The following PDE4D variants were observed in gnomAD, a reference collection of about 807,000 sequenced individuals.
PDE4D encodes 3',5'-cyclic-AMP phosphodiesterase 4D.
A neutral mutation model predicts 87.4 loss-of-function variants in PDE4D; 24 were observed. The ratio of observed to expected loss-of-function variants is 0.27; its 90% CI spans 0.20 to 0.39. The LOEUF is 0.39. Ranked by LOEUF, PDE4D falls within the 10% of genes least tolerant of loss-of-function variation. The pLI is 1.00. For synonymous variants in PDE4D, 384 were observed against 383.2 expected, an observed-to-expected ratio of 1.00 and a Z score of -0.02; for missense variants, 714 against 1,041.0, an observed-to-expected ratio of 0.69 and a Z score of 4.32.
At chr5:58,978,040 G>A (rs1744218796) in intron 11 of PDE4D, among the ~76,000 whole-genome samples, 1 of 152,120 alleles carries the variant, frequency 6.6e-6, no homozygotes, top group South Asian at 2.1e-4. Context: ...CCCTAGACCT[G>A]TGAATTTTAG....
At chr5:59,854,978 A>T (rs1745215201) in intron 1 of PDE4D, among the ~76,000 whole-genome samples, 2 of 152,088 alleles carry the variant, frequency 1.3e-5, no homozygotes, top group Admixed American at 1.3e-4. Flanking sequence ...ATGAGAAAGG[A>T]GGGACTTGGA....
chr5:59,105,018 T>C (rs954026024), intron 5 of PDE4D, among the ~76,000 whole-genome samples: 2 of 152,204 alleles, frequency 1.3e-5, no homozygotes, highest in Non-Finnish European at 2.9e-5. Context: ...AGAAGCCAAT[T>C]ATTCTTGGCA....
intron 3 of PDE4D, among the ~76,000 whole-genome samples, chr5:59,187,466 A>G (rs1318501796): frequency 1.3e-5 from 2 of 152,178 alleles, no homozygotes; most frequent in Admixed American, 6.5e-5. Flanking sequence ...AGGGACACTC[A>G]GGGGACATTA....
At chr5:59,931,903 G>A (rs770244328) in intron 3 of PDE4D, among the ~76,000 whole-genome samples, 116 of 152,076 alleles carry the variant, frequency 7.6e-4, no homozygotes, top group Middle Eastern at 3.4e-3. Flanking sequence ...GGGTTTCACC[G>A]TGTTAGCCAG....
intron 1 of PDE4D, among the ~76,000 whole-genome samples, chr5:60,431,561 C>T (rs981164065): frequency 6.6e-6 from 1 of 150,716 alleles, no homozygotes; most frequent in Non-Finnish European, 1.5e-5. Context: ...GGATGGCGGC[C>T]GGGCAGAGAC....
intron 1 of PDE4D, among the ~76,000 whole-genome samples, chr5:59,258,515 T>C (rs986402142): frequency 1.1e-4 from 17 of 151,942 alleles, no homozygotes; most frequent in African/African-American, 4.1e-4. Context: ...AAAATTATTC[T>C]AAATAAGAAT....
chr5:59,244,577 T>TAC (rs1303429193), intron 1 of PDE4D, among the ~76,000 whole-genome samples: 7 of 149,982 alleles, frequency 4.7e-5, no homozygotes, highest in African/African-American at 1.7e-4. Flanking sequence ...CACATATGTA[T>TAC]ACACATATAT....
At position 60,009,395 on chromosome 5, in the gene PDE4D, A is replaced by C. The variant is rs575620211; in HGVS notation, c.43-20678T>G. On this transcript the variant is annotated intron_variant, in intron 2 of 16. Coordinates refer to the PDE4D transcript ENST00000502484. The stretch of plus-strand genomic sequence containing the variant: ...GATTAATCAATTGATTGATTCATTC[A>C]TTCAATAATTATTTATCGAGTGCCT... 2.6e-5 allele frequency among the ~76,000 whole-genome samples: 4 copies of C among 152,118 alleles called. No homozygotes were observed. In the South Asian group the frequency reaches 8.3e-4, roughly 32 times the overall value.
At chr5:59,758,725 G>A (rs960586777) in intron 1 of PDE4D, among the ~76,000 whole-genome samples, 2 of 152,090 alleles carry the variant, frequency 1.3e-5, no homozygotes, top group African/African-American at 4.8e-5. Context: ...TCCTATTTAT[G>A]AGTCACAGAA....
chr5:59,621,695 T>C (rs894289602), intron 1 of PDE4D, among the ~76,000 whole-genome samples: 24 of 152,172 alleles, frequency 1.6e-4, no homozygotes, highest in African/African-American at 5.8e-4. Flanking sequence ...ACAACAGTAG[T>C]CAGAATGTCC....
At chr5:59,219,343 A>G (rs1751959198) in intron 1 of PDE4D, among the ~76,000 whole-genome samples, 1 of 152,204 alleles carries the variant, frequency 6.6e-6, no homozygotes, top group African/African-American at 2.4e-5. Context: ...CACCACAAGT[A>G]TTCTCAGAAT....
chr5:59,447,597 T>C (rs1387875584), intron 1 of PDE4D, among the ~76,000 whole-genome samples: 2 of 152,220 alleles, frequency 1.3e-5, no homozygotes, highest in Non-Finnish European at 2.9e-5. Context: ...AAAGGAATAG[T>C]AATTCATCGG....
intron 1 of PDE4D, among the ~76,000 whole-genome samples, chr5:59,706,173 G>C (rs1753378529): frequency 6.6e-6 from 1 of 152,082 alleles, no homozygotes; most frequent in South Asian, 2.1e-4. Context: ...TGGGTTACTA[G>C]GTTCCATTTA....
At chr5:59,527,069 A>G (rs1813288060) in intron 1 of PDE4D, among the ~76,000 whole-genome samples, 2 of 152,246 alleles carry the variant, frequency 1.3e-5, no homozygotes, top group African/African-American at 4.8e-5. Flanking sequence ...ATAAAAGCTT[A>G]TAACAGAAAA....
chr5:60,308,986 T>C (rs1478814626), intron 1 of PDE4D, among the ~76,000 whole-genome samples: 1 of 152,172 alleles, frequency 6.6e-6, no homozygotes, highest in Admixed American at 6.5e-5. Flanking sequence ...GGTATTTATG[T>C]TGCCTCTATG....
At chr5:60,001,691 A>G (rs1001746945) in intron 2 of PDE4D, among the ~76,000 whole-genome samples, 3 of 152,222 alleles carry the variant, frequency 2.0e-5, no homozygotes, top group Non-Finnish European at 4.4e-5. Context: ...CCATAGTTAC[A>G]GTAATTTGTT....
chr5:60,189,092 A>C (rs1212627786), intron 1 of PDE4D, among the ~76,000 whole-genome samples: 1 of 152,234 alleles, frequency 6.6e-6, no homozygotes, highest in African/African-American at 2.4e-5. Flanking sequence ...AAGCCAGGCG[A>C]GAGAACACTC....
At chr5:60,253,599 G>A (rs1748722177) in intron 1 of PDE4D, among the ~76,000 whole-genome samples, 1 of 151,842 alleles carries the variant, frequency 6.6e-6, no homozygotes, top group African/African-American at 2.4e-5. Context: ...AAAATTCCAT[G>A]AGGTGTTTTT....
At chr5:59,630,552 G>C (rs1459326890) in intron 1 of PDE4D, among the ~76,000 whole-genome samples, 1 of 152,162 alleles carries the variant, frequency 6.6e-6, no homozygotes, top group African/African-American at 2.4e-5. Context: ...CTTGTGAGTG[G>C]ATAGCCCATG....
Sources: allele counts gnomAD v4.1 joint callset (sites outside exome capture counted in the v4.1 genomes callset), GRCh38; gene constraint gnomAD v4.1.1; transcripts MANE v1.5; gene names NCBI Gene and HGNC (gene_info 2026-07-23, HGNC 2026-07-21).